Variants in SMOC2 observed in about 807,000 individuals in gnomAD.
SMOC2 encodes SPARC-related modular calcium-binding protein 2.
A neutral mutation model predicts 61.4 loss-of-function variants in SMOC2; 39 were observed. That is an observed-to-expected ratio of 0.64 (90% CI 0.49 to 0.83). SMOC2 has a LOEUF of 0.83. Among genes scored for constraint, SMOC2 ranks in the 40% least tolerant of loss-of-function variants. The pLI is 0.00. For missense variants in SMOC2, 556 were observed against 592.9 expected, an observed-to-expected ratio of 0.94 and a Z score of 0.65; for synonymous variants, 247 against 239.9, an observed-to-expected ratio of 1.03 and a Z score of -0.27.
chr6:168,566,107 G>A (rs1005136154), intron 7 of SMOC2, among the ~76,000 whole-genome samples: 29 of 152,284 alleles, frequency 1.9e-4, no homozygotes, highest in African/African-American at 6.3e-4. Context: ...AAAAATCCAC[G>A]TCTTTTACGA....
chr6:168,601,886 T>A (rs940106041), intron 8 of SMOC2, among the ~76,000 whole-genome samples: 1 of 152,246 alleles, frequency 6.6e-6, no homozygotes, highest in Non-Finnish European at 1.5e-5. Context: ...TCCGCTGTCA[T>A]GGCAGAAAGA....
chr6:168,521,654 G>A (rs1057223712), intron 2 of SMOC2, among the ~76,000 whole-genome samples: 15 of 152,128 alleles, frequency 9.9e-5, no homozygotes, highest in African/African-American at 3.1e-4. Context: ...TCTGGGAGGC[G>A]GGAGGATTGC....
At chr6:168,549,384 C>G (rs1223710431) in intron 7 of SMOC2, among the ~76,000 whole-genome samples, 181 bp downstream of exon 7, 1 of 152,028 alleles carries the variant, frequency 6.6e-6, no homozygotes, top group African/African-American at 2.4e-5. Flanking sequence ...ATAATAACCT[C>G]TTGTAGACTG....
chr6:168,559,518 G>C (rs1380452072), intron 7 of SMOC2, among the ~76,000 whole-genome samples: 1 of 151,984 alleles, frequency 6.6e-6, no homozygotes, highest in Non-Finnish European at 1.5e-5. Flanking sequence ...TAGTAGAAGA[G>C]ATTTCACTGT....
At chr6:168,572,319 C>T (rs9455661) in intron 7 of SMOC2, among the ~76,000 whole-genome samples, 283 of 26,684 alleles carry the variant, frequency 0.011, 2 homozygotes, top group Non-Finnish European at 0.012. Flanking sequence ...CCCCGGGTGC[C>T]GGGACCAGGG....
chr6:168,597,671 A>G (rs1395628589), intron 7 of SMOC2, among the ~76,000 whole-genome samples: 1 of 152,240 alleles, frequency 6.6e-6, no homozygotes, highest in East Asian at 1.9e-4. Context: ...TTAAAGCACC[A>G]TTTGTGGAAA....
chr6:168,441,311 C>A lies in SMOC2; in HGVS notation c.-60C>A. ...GCCGCGCTCGCCCACTGGGCTCTCC[C>A]GGCTGCAGTGCCAGGGCGCAGGACG... is the stretch of plus-strand genomic sequence containing the variant. On this transcript the variant is annotated 5_prime_UTR_variant, in exon 1 of 13. Coordinates refer to ENST00000356284, the MANE Select transcript of SMOC2 (RefSeq NM_001166412.2). 6.8e-7 allele frequency: 1 copy of A among 1,476,838 alleles called. No homozygotes were observed. Among genetic ancestry groups the A allele is most frequent in the Non-Finnish European group, 8.9e-7 (1 of 1,121,686 alleles). 91.5% of individuals were successfully genotyped at this position (1,476,838 alleles called of 1,614,324 possible). A position where few individuals can be genotyped will look rare whatever the true frequency, so the allele number is the denominator to read the frequency against.
chr6:168,493,144 CTCCTGTCTTAGTA>C (rs1253898822), intron 1 of SMOC2, among the ~76,000 whole-genome samples: 3 of 152,006 alleles, frequency 2.0e-5, no homozygotes, highest in African/African-American at 7.3e-5. Context: ...TCAGGCAATT[CTCCTGTCTTAGTA>C]TCCTGAGTAG....
chr6:168,538,775 G>A (rs918907028), intron 4 of SMOC2, among the ~76,000 whole-genome samples: 16 of 144,914 alleles, frequency 1.1e-4, no homozygotes, highest in Non-Finnish European at 2.4e-4. Flanking sequence ...AATCTGGGGA[G>A]CAGAGCGACC....
Position 168,507,528 on chromosome 6 carries a change from G to A in SMOC2, c.85-2387G>A, listed in dbSNP as rs368261090. On this transcript the variant is annotated intron_variant, in intron 1 of 12. Transcript: ENST00000356284. ...TATAAGATCCAAGCAGCGTCTCAGC[G>A]GGTGGAGGACCTTCCCATGGCACAG... Among the ~76,000 whole-genome samples, 14 of 152,220 alleles carry A rather than the reference G, an allele frequency of 9.2e-5. No individual in the cohort carries two copies. In the East Asian group the frequency reaches 1.3e-3, roughly 15 times the overall value.
intron 4 of SMOC2, among the ~76,000 whole-genome samples, chr6:168,538,853 A>G (rs1418489696): frequency 6.6e-6 from 1 of 151,946 alleles, no homozygotes; most frequent in Non-Finnish European, 1.5e-5. Flanking sequence ...ACCCCTGCAG[A>G]AGCAGGTGTT....
At position 168,553,143 on chromosome 6, in the gene SMOC2, A is replaced by C. The variant is rs952470097; in HGVS notation, c.637+3940A>C. 6.6e-6 allele frequency among the ~76,000 whole-genome samples: 1 copy of C among 152,216 alleles called. No homozygotes were observed. Among genetic ancestry groups the C allele is most frequent in the East Asian group, 1.9e-4 (1 of 5,198 alleles). ...TGCCTATTAGACTTATATTGATTTA[A>C]ATTTAATAAATATATAAGTCAAACA... On this transcript the variant is annotated intron_variant, in intron 7 of 12. Coordinates refer to ENST00000356284, the MANE Select transcript of SMOC2 (RefSeq NM_001166412.2). The surrounding 1 kb of genome is among the most constrained non-coding windows in gnomAD (Gnocchi z 4.2).
intron 3 of SMOC2, 48 bp from the exon 4 acceptor site, chr6:168,527,580 C>T: frequency 7.1e-7 from 1 of 1,405,648 alleles, no homozygotes; most frequent in Non-Finnish European, 9.8e-7. Flanking sequence ...CCGTGAGGCG[C>T]TGCGCCACGG....
chr6:168,538,533 A>G (rs1469982105), intron 4 of SMOC2, among the ~76,000 whole-genome samples: 8 of 25,632 alleles, frequency 3.1e-4, no homozygotes, highest in Admixed American at 1.1e-3. Flanking sequence ...AATGTGGGGG[A>G]GTGGGGTGAC....
Position 168,441,458 on chromosome 6 carries a change from A to G in SMOC2, c.84+4A>G. On this transcript the variant is annotated splice_donor_region_variant and intron_variant, in intron 1 of 12. Transcript: ENST00000356284. Reference sequence around the variant, plus strand: ...TCAGAAGTTCTCGGCGCTCACGGTAAGCCCGGGCCCGCGGGACCTGGAGCT... The same window carrying G: ...TCAGAAGTTCTCGGCGCTCACGGTAGGCCCGGGCCCGCGGGACCTGGAGCT... The G allele has an allele frequency of 6.7e-7, 1 of 1,497,048 alleles. No homozygotes were observed. Among genetic ancestry groups the G allele is most frequent in the Non-Finnish European group, 8.9e-7 (1 of 1,127,064 alleles). The allele number at this position is 1,497,048 out of a possible 1,614,324, so 92.7% of individuals were successfully genotyped here. A position where few individuals can be genotyped will look rare whatever the true frequency, so the allele number is the denominator to read the frequency against.
At chr6:168,570,377 C>T (rs752929899) in intron 7 of SMOC2, among the ~76,000 whole-genome samples, 14 of 152,072 alleles carry the variant, frequency 9.2e-5, no homozygotes, top group Non-Finnish European at 1.5e-4. Context: ...TGAGGCCCAC[C>T]GCGGGGGCCG....
chr6:168,656,270 G>A (rs1787319680), intron 11 of SMOC2, among the ~76,000 whole-genome samples: 2 of 152,058 alleles, frequency 1.3e-5, no homozygotes, highest in Non-Finnish European at 2.9e-5. Context: ...CAGCACTTTG[G>A]GAGGCTGAAG....
intron 7 of SMOC2, among the ~76,000 whole-genome samples, chr6:168,554,706 G>C (rs901787224): frequency 6.6e-6 from 1 of 152,182 alleles, no homozygotes; most frequent in African/African-American, 2.4e-5. Flanking sequence ...TGGTGTTCGT[G>C]GCCCACTGGC....
chr6:168,628,402 C>T (rs895484407), intron 9 of SMOC2, among the ~76,000 whole-genome samples: 4 of 152,162 alleles, frequency 2.6e-5, no homozygotes, highest in Non-Finnish European at 5.9e-5. Flanking sequence ...TGAAACACTT[C>T]GTTCCAAAAT....
Sources: allele counts gnomAD v4.1 joint callset (sites outside exome capture counted in the v4.1 genomes callset), GRCh38; gene constraint gnomAD v4.1.1; non-coding constraint Gnocchi (gnomAD v3.1); transcripts MANE v1.5; gene names NCBI Gene and HGNC (gene_info 2026-07-23, HGNC 2026-07-21).